Variants in ADARB2 observed in about 807,000 individuals in gnomAD.
ADARB2 encodes adenosine deaminase RNA specific B2 (inactive).
Under a neutral mutation model 62.2 loss-of-function variants are expected in ADARB2, and 25 were observed. The observed-to-expected ratio is 0.40, with a 90% confidence interval of 0.29 to 0.56. The LOEUF (loss-of-function observed/expected upper bound fraction) is 0.56, where lower values mean the gene tolerates loss of function less well. ADARB2 is among the 20% of genes least tolerant of loss of function. The pLI is 0.43. For synonymous variants in ADARB2, 572 were observed against 500.8 expected, an observed-to-expected ratio of 1.14 and a Z score of -1.90; for missense variants, 1,071 against 1,077.4, an observed-to-expected ratio of 0.99 and a Z score of 0.08.
intron 1 of ADARB2, among the ~76,000 whole-genome samples, chr10:1,719,075 C>T (rs147590426): frequency 0.011 from 1,643 of 152,268 alleles, 22 homozygotes; most frequent in African/African-American, 0.036. Flanking sequence ...ATTCTCCCAC[C>T]TCAGCCTCCC....
intron 3 of ADARB2, among the ~76,000 whole-genome samples, chr10:1,346,425 T>C (rs140290229): frequency 2.0e-5 from 3 of 152,326 alleles, no homozygotes; most frequent in African/African-American, 7.2e-5. Context: ...GGACCTGAGG[T>C]TGTCACCGCG....
At chr10:1,677,320 G>T (rs141697144) in intron 1 of ADARB2, among the ~76,000 whole-genome samples, 8 of 152,306 alleles carry the variant, frequency 5.3e-5, no homozygotes, top group Non-Finnish European at 1.2e-4. Flanking sequence ...CTTGTTTTAG[G>T]CTTGCAAGAT....
intron 1 of ADARB2, among the ~76,000 whole-genome samples, chr10:1,565,626 A>G (rs980975925): frequency 6.6e-6 from 1 of 152,178 alleles, no homozygotes; most frequent in Non-Finnish European, 1.5e-5. Flanking sequence ...TTTGAATACT[A>G]GAATTTGGCC....
At chr10:1,694,704 G>A (rs577805859) in intron 1 of ADARB2, among the ~76,000 whole-genome samples, 1 of 152,212 alleles carries the variant, frequency 6.6e-6, no homozygotes, top group South Asian at 2.1e-4. Flanking sequence ...GGTACATTTG[G>A]ACAATTAGAG....
intron 3 of ADARB2, among the ~76,000 whole-genome samples, chr10:1,357,492 A>G (rs1427058577): frequency 6.6e-6 from 1 of 152,060 alleles, no homozygotes; most frequent in Non-Finnish European, 1.5e-5. Context: ...TTTTTTTAGC[A>G]AATAAAATAT....
intron 1 of ADARB2, among the ~76,000 whole-genome samples, chr10:1,580,673 G>A (rs1041566578): frequency 2.0e-5 from 3 of 152,104 alleles, no homozygotes; most frequent in Admixed American, 6.5e-5. Flanking sequence ...TATGGGCTTG[G>A]ACCGGTGGAG....
chr10:1,715,704 A>C (rs1274618848), intron 1 of ADARB2, among the ~76,000 whole-genome samples: 1 of 152,236 alleles, frequency 6.6e-6, no homozygotes, highest in East Asian at 1.9e-4. Context: ...AAAAACAAAA[A>C]CAAAAACAGG....
chr10:1,351,653 A>C (rs927440638), intron 3 of ADARB2, among the ~76,000 whole-genome samples: 5 of 151,812 alleles, frequency 3.3e-5, no homozygotes, highest in Non-Finnish European at 5.9e-5. Flanking sequence ...CTCCCTCCTT[A>C]GTGACCGATC....
At chr10:1,209,411 AGCAACACCGT>A (rs1837114594) in intron 7 of ADARB2, among the ~76,000 whole-genome samples, 1 of 98,088 alleles carries the variant, frequency 1.0e-5, no homozygotes, top group African/African-American at 4.4e-5. Context: ...TATCACCTAC[AGCAACACCGT>A]CACCCATGCC....
chr10:1,645,669 C>T (rs924161667), intron 1 of ADARB2, among the ~76,000 whole-genome samples: 3 of 152,140 alleles, frequency 2.0e-5, no homozygotes, highest in African/African-American at 7.2e-5. Flanking sequence ...ACATCTAACC[C>T]AGCTCTGAGT....
chr10:1,717,546 C>G (rs1835035853), intron 1 of ADARB2, among the ~76,000 whole-genome samples: 1 of 136,652 alleles, frequency 7.3e-6, no homozygotes, highest in African/African-American at 2.7e-5. Flanking sequence ...CCTTCCTTTC[C>G]TTTTTCCTTC....
chr10:1,502,202 G>A (rs1033803198), intron 1 of ADARB2, among the ~76,000 whole-genome samples: 1 of 152,190 alleles, frequency 6.6e-6, no homozygotes, highest in Non-Finnish European at 1.5e-5. Flanking sequence ...GTGGGGGCCC[G>A]GCCCCTCCTG....
At chr10:1,708,287 G>GTCCCAAA (rs1364066849) in intron 1 of ADARB2, among the ~76,000 whole-genome samples, 1 of 152,034 alleles carries the variant, frequency 6.6e-6, no homozygotes, top group African/African-American at 2.4e-5. Flanking sequence ...TGAAGAAAAG[G>GTCCCAAA]GACCCTGGGC....
chr10:1,529,871 C>T (rs1350896139), intron 1 of ADARB2, among the ~76,000 whole-genome samples: 11 of 151,672 alleles, frequency 7.3e-5, no homozygotes, highest in African/African-American at 1.7e-4. Flanking sequence ...CCTGTGACTG[C>T]GGGCACACGT....
chr10:1,429,159 G>A (rs1340846244), intron 1 of ADARB2, among the ~76,000 whole-genome samples: 1 of 152,144 alleles, frequency 6.6e-6, no homozygotes, highest in Non-Finnish European at 1.5e-5. Flanking sequence ...AGGTATGTGG[G>A]CACTTCTGTA....
chr10:1,682,768 A>C (rs988855802), intron 1 of ADARB2, among the ~76,000 whole-genome samples: 11 of 152,224 alleles, frequency 7.2e-5, no homozygotes, highest in Non-Finnish European at 1.6e-4. Flanking sequence ...GACTGTAAGA[A>C]ATTTAAATTG....
At chr10:1,292,942 T>G (rs1232092635) in intron 3 of ADARB2, 1 of 75,188 alleles carries the variant, frequency 1.3e-5, no homozygotes, top group African/African-American at 6.0e-5. Context: ...CATCCTTCCA[T>G]GGAGAGAGGG....
intron 1 of ADARB2, among the ~76,000 whole-genome samples, chr10:1,735,090 T>C (rs1279517857): frequency 1.3e-5 from 2 of 152,234 alleles, no homozygotes; most frequent in Non-Finnish European, 2.9e-5. Flanking sequence ...CCTATCAAGA[T>C]AGCTGCCGGC....
intron 1 of ADARB2, among the ~76,000 whole-genome samples, chr10:1,460,387 A>G (rs71500114): frequency 0.017 from 742 of 43,404 alleles, 2 homozygotes; most frequent in Non-Finnish European, 0.023. Context: ...TACCTGTGTA[A>G]CAAACCTGCC....
Sources: gnomAD v4.1 joint callset for allele counts (sites outside exome capture counted in the v4.1 genomes callset) on GRCh38, gnomAD v4.1.1 for gene constraint, MANE v1.5 for transcripts, NCBI Gene and HGNC (gene_info 2026-07-23, HGNC 2026-07-21) for gene names.